The following ZNF736 variants were observed in gnomAD, a reference collection of about 807,000 sequenced individuals.
The protein encoded by ZNF736 is KRAB-containing zinc-finger repressor protein.
Under a neutral mutation model 11.7 loss-of-function variants are expected in ZNF736, and 6 were observed. The observed-to-expected ratio is 0.51, with a 90% CI of 0.28 to 1.01. The LOEUF (loss-of-function observed/expected upper bound fraction) is 1.01. Among genes scored for constraint, ZNF736 ranks in the 50% least tolerant of loss-of-function variants. ZNF736 has a pLI of 0.09. For synonymous variants in ZNF736, 139 were observed against 164.7 expected (o/e 0.84, Z 1.19); for missense variants, 444 against 496.0 (o/e 0.90, Z 1.00).
intron 1 of ZNF736, among the ~76,000 whole-genome samples, chr7:64,315,447 C>T (rs1231561539): frequency 6.6e-6 from 1 of 151,978 alleles, no homozygotes; most frequent in African/African-American, 2.4e-5. Context: ...ATTGCATTTG[C>T]AGCCCTCCGG....
intron 1 of ZNF736, among the ~76,000 whole-genome samples, chr7:64,319,624 T>TC (rs1241011711): frequency 6.7e-6 from 1 of 148,716 alleles, no homozygotes; most frequent in Admixed American, 6.8e-5. Flanking sequence ...GCCTCCCAAG[T>TC]AGCTGGGATT....
At chr7:64,346,328 CT>C (rs796207677) in intron 3 of ZNF736, among the ~76,000 whole-genome samples, 45 of 136,146 alleles carry the variant, frequency 3.3e-4, no homozygotes, top group Admixed American at 6.0e-4. Flanking sequence ...GCCATTTTGT[CT>C]TTTTTTTTTA....
chr7:64,331,215 C>G (rs1584269685), intron 1 of ZNF736, among the ~76,000 whole-genome samples: 1 of 152,188 alleles, frequency 6.6e-6, no homozygotes, highest in Non-Finnish European at 1.5e-5. Flanking sequence ...GTGGGGCTAC[C>G]TGAAACTCAG....
At chr7:64,317,843 A>G (rs1167589688) in intron 1 of ZNF736, among the ~76,000 whole-genome samples, 6 of 151,832 alleles carry the variant, frequency 4.0e-5, no homozygotes, top group Admixed American at 2.6e-4. Context: ...TCTCAATTTT[A>G]TGTATTTTTT....
rs1345325455 is a variant in ZNF736, at chr7:64,350,499, C to G, written c.*1352C>G. 2 of 152,072 alleles carry G rather than the reference C, an allele frequency of 1.3e-5. No homozygotes were observed. The highest frequency in any genetic ancestry group is 3.9e-4 in the East Asian group (2 of 5,194). The allele number at this position is 152,072 out of a possible 1,614,324, so 9.4% of individuals were successfully genotyped here. A position where few individuals can be genotyped will look rare whatever the true frequency, so the allele number is the denominator to read the frequency against. On this transcript the variant is annotated 3_prime_UTR_variant, in exon 4 of 4. Transcript: ENST00000423484. ...ATTGGGTTGCAAATTACTTTTGTAA[C>G]TCAGTGAAGTTTGTTTCTACCCATA...
chr7:64,314,966 G>A (rs1272870043), intron 1 of ZNF736, among the ~76,000 whole-genome samples: 3 of 152,188 alleles, frequency 2.0e-5, no homozygotes, highest in African/African-American at 4.8e-5. Context: ...GTGGGGCCTG[G>A]TGGAAGGATT....
rs1224353859 is a variant in ZNF736 at position 64,356,440 on chromosome 7, T to A, written c.*7293T>A. Among the ~76,000 whole-genome samples, 1 of 152,270 alleles carries A rather than the reference T, an allele frequency of 6.6e-6. No individual in the cohort carries two copies. The highest frequency in any genetic ancestry group is 1.9e-4 in the East Asian group (1 of 5,190). On this transcript the variant is annotated 3_prime_UTR_variant, in exon 4 of 4. Transcript: ENST00000423484. ...TTGAGAATTAATATTACCCAACTTG[T>A]CCAATAAAATGTTTTTAAGTTGCCT...
At chr7:64,346,297 A>G (rs1789408916) in intron 3 of ZNF736, among the ~76,000 whole-genome samples, 1 of 151,728 alleles carries the variant, frequency 6.6e-6, no homozygotes, top group South Asian at 2.1e-4. Context: ...TAACACTTGC[A>G]TAAAATGTAT....
At chr7:64,331,223 C>G (rs753908203) in intron 1 of ZNF736, among the ~76,000 whole-genome samples, 2 of 152,156 alleles carry the variant, frequency 1.3e-5, no homozygotes, top group African/African-American at 2.4e-5. Context: ...ACCTGAAACT[C>G]AGGTTTTGAT....
intron 1 of ZNF736, among the ~76,000 whole-genome samples, chr7:64,318,042 A>C (rs1788941285): frequency 6.6e-6 from 1 of 151,876 alleles, no homozygotes; most frequent in Non-Finnish European, 1.5e-5. Flanking sequence ...TAATAATCTT[A>C]ATTTATAGTG....
rs1789515078 is a variant in ZNF736, at chr7:64,353,267, AG to A, written c.*4122del. The A allele has an allele frequency of 6.6e-6, 1 of 152,310 alleles. No individual in the cohort carries two copies. Among genetic ancestry groups the A allele is most frequent in the Non-Finnish European group, 1.5e-5 (1 of 68,078 alleles). 9.4% of individuals were successfully genotyped at this position (152,310 alleles called of 1,614,324 possible). ...GTTCCCTTGGCTCCATGTTGTTCCC[AG>A]GTGGCCCATTGTCCTGCCTTGCTTT... On this transcript the variant is annotated 3_prime_UTR_variant, in exon 4 of 4. Transcript: ENST00000423484.
chr7:64,347,139 G>A (rs1228500684), intron 3 of ZNF736, among the ~76,000 whole-genome samples: 1 of 151,230 alleles, frequency 6.6e-6, no homozygotes, highest in Admixed American at 6.6e-5. Flanking sequence ...TTTAGGCTAG[G>A]GAGTCTTGGA....
rs117800590 is a variant in ZNF736 at position 64,350,885 on chromosome 7, A to G, written c.*1738A>G. On this transcript the variant is annotated 3_prime_UTR_variant, in exon 4 of 4. Transcript: ENST00000423484. ...TCCGGGGGACTTGTTTTGAGCCCCAACTGTGTTCTCTGGCTCCTTGAGATT... is the reference window on the plus strand; with the variant it reads ...TCCGGGGGACTTGTTTTGAGCCCCAGCTGTGTTCTCTGGCTCCTTGAGATT... 0.048 allele frequency: 7,298 copies of G among 152,210 alleles called. 474 individuals carry two copies. Among genetic ancestry groups the G allele is most frequent in the East Asian group, 0.35 (1,794 of 5,142 alleles). 9.4% of individuals were successfully genotyped at this position (152,210 alleles called of 1,614,324 possible).
At chr7:64,315,760 T>C (rs1440332839) in intron 1 of ZNF736, among the ~76,000 whole-genome samples, 1 of 152,182 alleles carries the variant, frequency 6.6e-6, no homozygotes, top group Non-Finnish European at 1.5e-5. Context: ...TTCTAGGGAC[T>C]GTATAAAATT....
intron 1 of ZNF736, among the ~76,000 whole-genome samples, chr7:64,332,686 C>T (rs1355762872): frequency 6.6e-6 from 1 of 152,128 alleles, no homozygotes. Flanking sequence ...GTCCTTATCT[C>T]AACCACACAA....
intron 3 of ZNF736, among the ~76,000 whole-genome samples, chr7:64,346,219 TTAAAG>T (rs1789407879): frequency 2.0e-5 from 3 of 152,202 alleles, no homozygotes; most frequent in South Asian, 2.1e-4. Context: ...GAATTTTGAC[TTAAAG>T]TAAATTATAT....
intron 1 of ZNF736, among the ~76,000 whole-genome samples, chr7:64,324,398 C>T (rs1452228338): frequency 1.3e-5 from 2 of 152,128 alleles, no homozygotes; most frequent in Non-Finnish European, 2.9e-5. Flanking sequence ...CTCTAGTGCA[C>T]ACAGACTGTC....
Position 64,355,081 on chromosome 7 carries a change from C to T in ZNF736, c.*5934C>T, listed in dbSNP as rs754792386. 1.3e-5 allele frequency: 2 copies of T among 152,558 alleles called. No individual in the cohort carries two copies. Among genetic ancestry groups the T allele is most frequent in the Non-Finnish European group, 2.9e-5 (2 of 68,044 alleles). The allele number at this position is 152,558 out of a possible 1,614,324, so 9.5% of individuals were successfully genotyped here. A position where few individuals can be genotyped will look rare whatever the true frequency, so the allele number is the denominator to read the frequency against. On this transcript the variant is annotated 3_prime_UTR_variant, in exon 4 of 4. Coordinates refer to ENST00000423484, the MANE Select transcript of ZNF736 (RefSeq NM_001170905.3). ...AATTGTACCCATGCCACACAATTGA[C>T]TCACAATTGAAACAAGATGAAGAGA... is the stretch of plus-strand genomic sequence containing the variant.
intron 1 of ZNF736, among the ~76,000 whole-genome samples, chr7:64,327,333 A>C (rs2115895997): frequency 6.6e-6 from 1 of 152,114 alleles, no homozygotes; most frequent in South Asian, 2.1e-4. Flanking sequence ...TACCGTAGCT[A>C]TTCCTCCTCT....
Sources: allele counts gnomAD v4.1 joint callset (sites outside exome capture counted in the v4.1 genomes callset), GRCh38; gene constraint gnomAD v4.1.1; transcripts MANE v1.5; gene names NCBI Gene and HGNC (gene_info 2026-07-23, HGNC 2026-07-21).